The following DPYD variants were observed in gnomAD, a reference collection of about 807,000 sequenced individuals.
DPYD encodes dihydropyrimidine dehydrogenase [NADP(+)].
DPYD carries 109 observed loss-of-function variants against 116.2 expected under a neutral mutation model. The observed-to-expected ratio is 0.94, with a 90% CI of 0.80 to 1.10. DPYD has a LOEUF of 1.10. Among genes scored for constraint, DPYD ranks in the 50% least tolerant of loss-of-function variants. The pLI, the probability that DPYD is intolerant of heterozygous loss-of-function variation, is 0.00. For synonymous variants in DPYD, 440 were observed against 432.0 expected (o/e 1.02, Z -0.23); for missense variants, 1,302 against 1,254.5 (o/e 1.04, Z -0.57).
At position 97,721,665 on chromosome 1, in the gene DPYD, A is replaced by G. The variant is rs1283205838; in HGVS notation, c.328T>C (p.Tyr110His). 4 of 1,610,970 alleles carry G rather than the reference A, an allele frequency of 2.5e-6. No homozygotes were observed. The highest frequency in any genetic ancestry group is 3.4e-6 in the Non-Finnish European group (4 of 1,177,912). The change falls in exon 5 of 23, where the codon TAT becomes CAT. Residue 110 changes from tyrosine to histidine, a missense_variant. By Grantham distance (83) the Tyr-to-His change is moderately conservative. Coordinates refer to ENST00000370192, the MANE Select transcript of DPYD (RefSeq NM_000110.4). Reference protein sequence around the residue: ...FITSIANKNYYGAAKMIFSDN... With the variant: ...FITSIANKNYHGAAKMIFSDN... ...GAAAATATCATCTTAGCAGCTCCAT[A>G]ATAGTTCTGCAAAATTAATACAAAA...
chr1:97,278,091 A>G (rs918328315), intron 18 of DPYD, among the ~76,000 whole-genome samples: 2 of 152,314 alleles, frequency 1.3e-5, no homozygotes, highest in African/African-American at 4.8e-5. Context: ...TTTACTGTCA[A>G]TTCATCTCAT....
At chr1:97,403,777 ATTTT>A (rs959131067) in intron 14 of DPYD, among the ~76,000 whole-genome samples, 2 of 150,886 alleles carry the variant, frequency 1.3e-5, no homozygotes, top group Non-Finnish European at 3.0e-5. Context: ...TTCTATATTG[ATTTT>A]TTTTATTTCA....
chr1:97,213,190 T>G (rs1053252741), intron 19 of DPYD, among the ~76,000 whole-genome samples: 1 of 152,080 alleles, frequency 6.6e-6, no homozygotes, highest in Non-Finnish European at 1.5e-5. Flanking sequence ...TACTACCAGA[T>G]TGGGGTTAGT....
intron 1 of DPYD, among the ~76,000 whole-genome samples, chr1:97,906,878 C>T (rs1301874470): frequency 6.6e-6 from 1 of 152,116 alleles, no homozygotes; most frequent in Non-Finnish European, 1.5e-5. Context: ...CACATTTTCA[C>T]TTGAGGAAGC....
chr1:97,546,824 A>C, intron 12 of DPYD: 1 of 1,612,720 alleles, frequency 6.2e-7, no homozygotes, highest in Non-Finnish European at 8.5e-7. Context: ...TTGAAGTTGG[A>C]AGTTCATGAG....
intron 15 of DPYD, among the ~76,000 whole-genome samples, chr1:97,374,696 G>T (rs550827751): frequency 0.021 from 2,646 of 123,698 alleles, 98 homozygotes; most frequent in African/African-American, 0.082. Context: ...TCCAGCCTGG[G>T]AAAGAGCAAG....
chr1:97,083,183 A>T (rs1474815789), intron 21 of DPYD, among the ~76,000 whole-genome samples: 1 of 152,148 alleles, frequency 6.6e-6, no homozygotes, highest in Admixed American at 6.5e-5. Context: ...TGAAGCACAG[A>T]CTATGTTTCA....
chr1:97,599,685 G>A, intron 8 of DPYD, among the ~76,000 whole-genome samples: 1 of 151,378 alleles, frequency 6.6e-6, no homozygotes, highest in Admixed American at 6.6e-5. Flanking sequence ...ACAGACCACA[G>A]AGAAACTACC....
intron 14 of DPYD, among the ~76,000 whole-genome samples, chr1:97,445,766 C>T (rs1291576472): frequency 1.4e-5 from 2 of 145,822 alleles, no homozygotes; most frequent in Admixed American, 1.4e-4. Context: ...ACTCCTGTGG[C>T]CCAGGCTGGA....
intron 8 of DPYD, among the ~76,000 whole-genome samples, chr1:97,678,566 G>T (rs1660267663): frequency 6.6e-6 from 1 of 152,078 alleles, no homozygotes; most frequent in South Asian, 2.1e-4. Flanking sequence ...AACATATTTA[G>T]GCAAAATATG....
At chr1:97,112,640 T>C (rs1264905974) in intron 20 of DPYD, among the ~76,000 whole-genome samples, 1 of 152,128 alleles carries the variant, frequency 6.6e-6, no homozygotes, top group Non-Finnish European at 1.5e-5. Context: ...TGTAGTACAG[T>C]ATATGCTTAA....
intron 18 of DPYD, among the ~76,000 whole-genome samples, chr1:97,237,241 CAAAAAAAAAAAAAAAAAA>C (rs58926889): frequency 1.7e-5 from 1 of 57,700 alleles, no homozygotes; most frequent in Non-Finnish European, 3.4e-5. Context: ...GATTCTGTCT[CAAAAAAAAAAAAAAAAAA>C]AAAAAAAAAA....
At chr1:97,136,029 G>A (rs546245496) in intron 20 of DPYD, among the ~76,000 whole-genome samples, 12 of 152,288 alleles carry the variant, frequency 7.9e-5, no homozygotes, top group Admixed American at 1.3e-4. Context: ...ACCAAGGCCC[G>A]AGGAGTTACT....
chr1:97,410,741 A>G (rs1351931255), intron 14 of DPYD, among the ~76,000 whole-genome samples: 1 of 152,124 alleles, frequency 6.6e-6, no homozygotes, highest in Non-Finnish European at 1.5e-5. Flanking sequence ...TTTATATTTT[A>G]TAAATATTTT....
intron 2 of DPYD, among the ~76,000 whole-genome samples, chr1:97,867,924 G>T (rs1034014530): frequency 1.3e-5 from 2 of 151,712 alleles, no homozygotes; most frequent in African/African-American, 4.8e-5. Flanking sequence ...TAAAGGAAAA[G>T]GTTCAGTTGT....
intron 14 of DPYD, among the ~76,000 whole-genome samples, chr1:97,398,218 T>C (rs140677652): frequency 1.3e-5 from 2 of 152,134 alleles, no homozygotes; most frequent in Admixed American, 6.5e-5. Context: ...GTCCTTGCGA[T>C]AGTGTGCTGA....
At chr1:97,918,730 G>T (rs1040466459) in intron 1 of DPYD, among the ~76,000 whole-genome samples, 1 of 152,146 alleles carries the variant, frequency 6.6e-6, no homozygotes, top group Non-Finnish European at 1.5e-5. Context: ...GGAAAAGTCA[G>T]TCACTATTAG....
chr1:97,165,912 T>TA (rs57322611), intron 20 of DPYD, among the ~76,000 whole-genome samples: 43,984 of 149,676 alleles, frequency 0.29, 7,160 homozygotes, highest in East Asian at 0.65. Flanking sequence ...ATTAAAAAGT[T>TA]AAAAAAAAAA....
At chr1:97,247,812 C>T (rs1050342464) in intron 18 of DPYD, among the ~76,000 whole-genome samples, 4 of 152,062 alleles carry the variant, frequency 2.6e-5, no homozygotes, top group African/African-American at 9.7e-5. Flanking sequence ...CAACAAAAAA[C>T]AGAAAGTCAA....
Sources: allele counts gnomAD v4.1 joint callset (sites outside exome capture counted in the v4.1 genomes callset), GRCh38; gene constraint gnomAD v4.1.1; transcripts MANE v1.5; gene names NCBI Gene and HGNC (gene_info 2026-07-23, HGNC 2026-07-21).